The following ERBB4 variants were observed in gnomAD, a reference collection of about 807,000 sequenced individuals.
The protein encoded by ERBB4 is erb-b2 receptor tyrosine kinase 4, also known as receptor tyrosine-protein kinase erbB-4.
A neutral mutation model predicts 158.0 loss-of-function variants in ERBB4; 42 were observed. That is an observed-to-expected ratio of 0.27 (90% CI 0.21 to 0.34). ERBB4 has a LOEUF of 0.34. Ranked by LOEUF, ERBB4 falls within the 10% of genes least tolerant of loss-of-function variation. ERBB4 has a pLI of 1.00. For synonymous variants in ERBB4, 583 were observed against 558.7 expected, an observed-to-expected ratio of 1.04 and a Z score of -0.61; for missense variants, 1,333 against 1,624.1, an observed-to-expected ratio of 0.82 and a Z score of 3.08.
intron 3 of ERBB4, among the ~76,000 whole-genome samples, chr2:211,801,220 A>G (rs1001804861): frequency 6.6e-6 from 1 of 152,198 alleles, no homozygotes; most frequent in African/African-American, 2.4e-5. Context: ...ATCACTGTAA[A>G]GGTAAATTGG....
chr2:212,136,510 T>C (rs759237804), intron 1 of ERBB4, among the ~76,000 whole-genome samples: 4 of 152,164 alleles, frequency 2.6e-5, no homozygotes, highest in Admixed American at 6.5e-5. Flanking sequence ...TCTTGGGCAA[T>C]AGGTACCTTC....
chr2:211,498,979 A>C (rs1330414272), intron 20 of ERBB4, among the ~76,000 whole-genome samples: 1 of 152,132 alleles, frequency 6.6e-6, no homozygotes, highest in Non-Finnish European at 1.5e-5. Context: ...ATGGGTTATA[A>C]TGAGGCTCCA....
chr2:212,243,984 T>C (rs2084215645), intron 1 of ERBB4, among the ~76,000 whole-genome samples: 1 of 152,236 alleles, frequency 6.6e-6, no homozygotes, highest in South Asian at 2.1e-4. Flanking sequence ...GGTATTCAAG[T>C]TAATTTAGTG....
intron 2 of ERBB4, among the ~76,000 whole-genome samples, chr2:212,030,615 GT>G (rs2076880902): frequency 6.6e-6 from 1 of 152,082 alleles, no homozygotes; most frequent in African/African-American, 2.4e-5. Context: ...GTGACAAAGA[GT>G]GTGTTATCAA....
chr2:212,490,688 A>G (rs1264812505), intron 1 of ERBB4, among the ~76,000 whole-genome samples: 1 of 151,830 alleles, frequency 6.6e-6, no homozygotes, highest in South Asian at 2.1e-4. Context: ...AAACATAAAA[A>G]GTATCCTAAC....
chr2:212,507,195 G>A (rs1298528915), intron 1 of ERBB4, among the ~76,000 whole-genome samples: 1 of 150,946 alleles, frequency 6.6e-6, no homozygotes, highest in Non-Finnish European at 1.5e-5. Flanking sequence ...CCTACTATTG[G>A]AGACCTATTG....
chr2:211,726,867 T>C (rs1303992064), intron 5 of ERBB4, among the ~76,000 whole-genome samples: 1 of 152,186 alleles, frequency 6.6e-6, no homozygotes, highest in Non-Finnish European at 1.5e-5. Flanking sequence ...CCTCCATAAG[T>C]TGACCACCAT....
chr2:211,453,723 T>G (rs766315847), intron 20 of ERBB4, among the ~76,000 whole-genome samples: 2 of 152,144 alleles, frequency 1.3e-5, no homozygotes, highest in Non-Finnish European at 2.9e-5. Context: ...CCCAGGATAA[T>G]AGACGTATTT....
intron 9 of ERBB4, among the ~76,000 whole-genome samples, chr2:211,707,692 C>T (rs924927777): frequency 6.6e-6 from 1 of 152,084 alleles, no homozygotes; most frequent in East Asian, 1.9e-4. Context: ...CTAACGATAA[C>T]CCTAAGCACT....
In ERBB4 at chr2:211,947,437, G is replaced by A; in HGVS notation, c.414C>T (p.Asn138=). The change falls in exon 3 of 28, where the codon AAC becomes AAT. Residue 138 remains asparagine, a synonymous_variant. Coordinates refer to ENST00000342788, the MANE Select transcript of ERBB4 (RefSeq NM_005235.3). ...TTTGGATATATTCCTTACCTGTCAA[G>A]TTCTTTAATCCAAGTTCTTGAAGTC... ...NFGLQELGLK[N]LTEILNGGVY... 1 of 1,613,174 alleles carries A rather than the reference G, an allele frequency of 6.2e-7. No individual in the cohort carries two copies. The highest frequency in any genetic ancestry group is 8.5e-7 in the Non-Finnish European group (1 of 1,179,326).
At chr2:212,183,607 T>A (rs945756276) in intron 1 of ERBB4, among the ~76,000 whole-genome samples, 6 of 152,074 alleles carry the variant, frequency 3.9e-5, no homozygotes. Context: ...ACCTTTTAAC[T>A]TTCTATTCAA....
In ERBB4 at chr2:211,412,185, GA is replaced by G. The variant is rs1168138039; in HGVS notation, c.3135+8255del. Among the ~76,000 whole-genome samples, 76 of 151,602 alleles carry G rather than the reference GA, an allele frequency of 5.0e-4. 1 individual carries two copies. Among genetic ancestry groups the G allele is most frequent in the African/African-American group, 1.7e-4 (7 of 41,346 alleles). On this transcript the variant is annotated intron_variant, in intron 25 of 27. Coordinates refer to ENST00000342788, the MANE Select transcript of ERBB4 (RefSeq NM_005235.3). ...GTTTCAAGCCATCCTAACATTGACA[GA>G]AAAAAAAGAAAATTGGAAGAAAGTC...
intron 2 of ERBB4, among the ~76,000 whole-genome samples, chr2:212,052,968 A>G (rs1168729328): frequency 2.0e-5 from 3 of 152,198 alleles, no homozygotes; most frequent in Non-Finnish European, 4.4e-5. Flanking sequence ...TTCCTGTGCC[A>G]GTAGCAACGG....
At chr2:211,913,620 T>TGTGG (rs2079599176) in intron 3 of ERBB4, among the ~76,000 whole-genome samples, 1 of 45,972 alleles carries the variant, frequency 2.2e-5, no homozygotes, top group African/African-American at 6.5e-5. Context: ...TATATATATA[T>TGTGG]GTGTGTGTGT....
intron 20 of ERBB4, among the ~76,000 whole-genome samples, chr2:211,476,003 G>A (rs978237338): frequency 2.0e-5 from 3 of 152,028 alleles, no homozygotes; most frequent in Non-Finnish European, 1.5e-5. Flanking sequence ...CAAGTATATG[G>A]CAAAATATTA....
chr2:211,675,458 A>AAGACTGGTTATATAAAGCTGGTTATAT (rs1407068319), intron 13 of ERBB4, among the ~76,000 whole-genome samples: 12 of 152,044 alleles, frequency 7.9e-5, no homozygotes, highest in Non-Finnish European at 1.8e-4. Flanking sequence ...ATAAAATGTA[A>AAGACTGGTTATATAAAGCTGGTTATAT]AAAGACTTAG....
chr2:211,518,487 C>G (rs1204054305), intron 20 of ERBB4, among the ~76,000 whole-genome samples: 1 of 151,982 alleles, frequency 6.6e-6, no homozygotes, highest in Non-Finnish European at 1.5e-5. Context: ...AACCCTGTCT[C>G]TACTAAAAAT....
At chr2:211,801,241 TG>T (rs1255799672) in intron 3 of ERBB4, among the ~76,000 whole-genome samples, 3 of 152,074 alleles carry the variant, frequency 2.0e-5, no homozygotes, top group Non-Finnish European at 4.4e-5. Flanking sequence ...ATTCATATGA[TG>T]GGGAAAAAAA....
Position 211,824,207 on chromosome 2 carries a change from T to C in ERBB4, c.422-36048A>G, listed in dbSNP as rs2077049023. On this transcript the variant is annotated intron_variant, in intron 3 of 27. Coordinates refer to ENST00000342788, the MANE Select transcript of ERBB4 (RefSeq NM_005235.3). ...CCTTCCCCTTAAGGTTTAAGCTGCC[T>C]AGATTCTCATTCCTTCTCAGCTAAT... Among the ~76,000 whole-genome samples the C allele has an allele frequency of 2.6e-5, 4 of 152,182 alleles. No individual in the cohort carries two copies. In the East Asian group the frequency reaches 5.8e-4, roughly 22 times the overall value.
Sources: allele counts gnomAD v4.1 joint callset (sites outside exome capture counted in the v4.1 genomes callset), GRCh38; gene constraint gnomAD v4.1.1; transcripts MANE v1.5; gene names NCBI Gene and HGNC (gene_info 2026-07-23, HGNC 2026-07-21).